Variants in UBFD1 observed in about 807,000 individuals in gnomAD.
The protein encoded by UBFD1 is ubiquitin family domain containing 1, also known as ubiquitin domain-containing protein UBFD1.
A neutral mutation model predicts 35.1 loss-of-function variants in UBFD1; 12 were observed. That is an observed-to-expected ratio of 0.34 (90% CI 0.22 to 0.55). UBFD1 has a LOEUF of 0.55. Ranked by LOEUF, UBFD1 falls within the 20% of genes least tolerant of loss-of-function variation. The pLI, the probability that UBFD1 is intolerant of heterozygous loss-of-function variation, is 0.89. For synonymous variants in UBFD1, 178 were observed against 167.6 expected (o/e 1.06, Z -0.48); for missense variants, 337 against 410.8 (o/e 0.82, Z 1.55).
intron 2 of UBFD1, chr16:23,559,107 G>A (rs1597036280): frequency 5.5e-6 from 1 of 181,894 alleles, no homozygotes; most frequent in Non-Finnish European, 1.1e-5. Context: ...ATTGGCTTCT[G>A]TAGCTCTGAT....
rs760303652 is a variant in UBFD1 at position 23,557,994 on chromosome 16, A to G, written c.70A>G (p.Thr24Ala). 2.2e-6 allele frequency: 3 copies of G among 1,370,320 alleles called. No homozygotes were observed. The highest frequency in any genetic ancestry group is 2.3e-5 in the South Asian group (1 of 43,840). 84.9% of individuals were successfully genotyped at this position (1,370,320 alleles called of 1,614,324 possible). The change falls in exon 2 of 7, where the codon ACT (threonine) becomes GCT (alanine). Residue 24 changes from threonine to alanine, a missense_variant. By Grantham distance (58) the Thr-to-Ala change is moderately conservative. Around this residue, in one of 4 missense-constraint regions of UBFD1, gnomAD observed 198 missense variants for 168.4 expected, o/e 1.18. Transcript: ENST00000395878. ...GGACACGGAGGCCGAGACTGTGGCT[A>G]CTGAGGCTCCCGCGCGGCCCGTCAA... ...GMDTEAETVA[T>A]EAPARPVNCL...
chr16:23,562,078 A>T, intron 3 of UBFD1, 128 bp from the exon 4 acceptor site: 1 of 787,080 alleles, frequency 1.3e-6, no homozygotes, highest in Non-Finnish European at 2.1e-6. Context: ...CAAAGGATCC[A>T]TAGTCTGTCG....
chr16:23,557,860 G>A (rs1183118410), intron 1 of UBFD1, 90 bp from the exon 2 acceptor site: 9 of 1,270,192 alleles, frequency 7.1e-6, no homozygotes, highest in Non-Finnish European at 8.9e-6. Flanking sequence ...GGAGAACCGC[G>A]GCTCGGGAAC....
rs757316467 is a variant in UBFD1, at chr16:23,557,947, C to T, written c.26-3C>T. 5 of 1,345,500 alleles carry T rather than the reference C, an allele frequency of 3.7e-6. No homozygotes were observed. The highest frequency in any genetic ancestry group is 3.8e-6 in the Non-Finnish European group (4 of 1,049,362). The allele number at this position is 1,345,500 out of a possible 1,614,324, so 83.3% of individuals were successfully genotyped here. Reference sequence around the variant, plus strand: ...GAGCGCCCACCCCCTAACCCCCTTGCAGGCATGGAGGAACCTGGCATGGAC... The same window carrying T: ...GAGCGCCCACCCCCTAACCCCCTTGTAGGCATGGAGGAACCTGGCATGGAC... On this transcript the variant is annotated splice_region_variant and splice_polypyrimidine_tract_variant and intron_variant, in intron 1 of 6. Transcript: ENST00000395878.
rs1274327342 is a variant in UBFD1, at chr16:23,571,359, T to C, written c.*769T>C. ...CAGCAGAGTATCTCCCAGTGACTCC[T>C]GTTTAAATGTCTTGCCCTTTGGGCC... On this transcript the variant is annotated 3_prime_UTR_variant, in exon 7 of 7. Coordinates refer to ENST00000395878, the MANE Select transcript of UBFD1 (RefSeq NM_019116.3). The C allele has an allele frequency of 1.3e-5, 2 of 152,676 alleles. No individual in the cohort carries two copies. The highest frequency in any genetic ancestry group is 4.8e-5 in the African/African-American group (2 of 41,476). The allele number at this position is 152,676 out of a possible 1,614,324, so 9.5% of individuals were successfully genotyped here. A position where few individuals can be genotyped will look rare whatever the true frequency, so the allele number is the denominator to read the frequency against.
Position 23,571,029 on chromosome 16 carries a change from G to A in UBFD1, c.*439G>A, listed in dbSNP as rs184559537. ...CATTTGGACTGCATTGCAATGAGTT[G>A]GGGTGTTTTTTTTTTCCTTTTTTGT... On this transcript the variant is annotated 3_prime_UTR_variant, in exon 7 of 7. Coordinates refer to ENST00000395878, the MANE Select transcript of UBFD1 (RefSeq NM_019116.3). 4.1e-3 allele frequency: 621 copies of A among 152,110 alleles called. 4 individuals are homozygous for A. Among genetic ancestry groups the A allele is most frequent in the South Asian group, 1.0e-2 (48 of 4,808 alleles). 9.4% of individuals were successfully genotyped at this position (152,110 alleles called of 1,614,324 possible).
chr16:23,557,885 GC>G, intron 1 of UBFD1, 64 bp from the exon 2 acceptor site: 4 of 1,269,010 alleles, frequency 3.2e-6, no homozygotes, highest in Non-Finnish European at 4.0e-6. Context: ...GTCCGGCGGC[GC>G]CCGGACAGCG....
rs765945891 is a variant in UBFD1, at chr16:23,557,755, G to T, written c.13G>T (p.Gly5Trp). 7.7e-7 allele frequency: 1 copy of T among 1,302,900 alleles called. No homozygotes were observed. Among genetic ancestry groups the T allele is most frequent in the African/African-American group, 1.5e-5 (1 of 65,226 alleles). The allele number at this position is 1,302,900 out of a possible 1,614,324, so 80.7% of individuals were successfully genotyped here. Residue 5 changes from glycine to tryptophan, a missense_variant, in exon 1 of 7, where the codon GGG becomes TGG. This residue lies in a region of UBFD1 where 198 missense variants were observed against 168.4 expected (regional missense o/e 1.18). Transcript: ENST00000395878. The part of the protein sequence containing the change: MAAA[G>W]APDGMEEPGM... ...GTACACAATCATCATGGCGGCGGCC[G>T]GGGCCCCGGATGGTGAGTGCGGCGG...
chr16:23,562,883 T>A (rs1037600996), intron 5 of UBFD1, among the ~76,000 whole-genome samples, 153 bp downstream of exon 5: 1 of 152,182 alleles, frequency 6.6e-6, no homozygotes, highest in African/African-American at 2.4e-5. Context: ...TTTTAGATGC[T>A]CGCCTTTTGT....
In UBFD1 at chr16:23,560,514, T is replaced by C. The variant is rs535615345; in HGVS notation, c.564+838T>C. Among the ~76,000 whole-genome samples the C allele has an allele frequency of 2.6e-5, 4 of 152,292 alleles. No homozygotes were observed. In the South Asian group the frequency reaches 8.3e-4, roughly 32 times the overall value. ...TTTAGTGACCATAGACACTAAGATA[T>C]ATGACCAACAGTAAGAAAAGGACAC... On this transcript the variant is annotated intron_variant, in intron 3 of 6. Coordinates refer to ENST00000395878, the MANE Select transcript of UBFD1 (RefSeq NM_019116.3).
intron 6 of UBFD1, chr16:23,569,765 A>G (rs1357577265): frequency 1.3e-5 from 2 of 152,020 alleles, no homozygotes; most frequent in Non-Finnish European, 2.9e-5. Context: ...CTTCCCATCT[A>G]TCCATTCTTT....
intron 6 of UBFD1, among the ~76,000 whole-genome samples, 177 bp downstream of exon 6, chr16:23,567,246 A>G (rs549317542): frequency 6.6e-4 from 101 of 152,128 alleles, no homozygotes; most frequent in African/African-American, 2.4e-3. Context: ...CTCTATTCCT[A>G]GTTCTGTTTA....
Position 23,571,280 on chromosome 16 carries a change from G to A in UBFD1, c.*690G>A, listed in dbSNP as rs1211356601. The A allele has an allele frequency of 6.5e-6, 1 of 152,736 alleles. No homozygotes were observed. The highest frequency in any genetic ancestry group is 2.1e-4 in the South Asian group (1 of 4,838). 9.5% of individuals were successfully genotyped at this position (152,736 alleles called of 1,614,324 possible). The stretch of plus-strand genomic sequence containing the variant: ...CTGTGAACGCACGGTGGGAGAGGAA[G>A]AGCTGCTCAGTCTTGGGCAAGGAGC... On this transcript the variant is annotated 3_prime_UTR_variant, in exon 7 of 7. Coordinates refer to ENST00000395878, the MANE Select transcript of UBFD1 (RefSeq NM_019116.3).
intron 4 of UBFD1, 44 bp from the exon 5 acceptor site, chr16:23,562,581 T>C (rs1965952763): frequency 6.3e-7 from 1 of 1,590,042 alleles, no homozygotes; most frequent in Non-Finnish European, 8.6e-7. Context: ...TTCTCTTTTT[T>C]TCTGACTGTC....
chr16:23,564,473 A>G (rs137992552), intron 5 of UBFD1: 27 of 152,334 alleles, frequency 1.8e-4, no homozygotes, highest in African/African-American at 6.3e-4. Flanking sequence ...ACCCTCTGCT[A>G]GATCATTCTC....
Position 23,562,482 on chromosome 16 carries a change from A to G in UBFD1, c.631-143A>G, listed in dbSNP as rs1965950826. On this transcript the variant is annotated intron_variant, in intron 4 of 6. Transcript: ENST00000395878. ...GGGGTTTTACCATGTTGCCCAGGCT[A>G]GTCTCCAACTCCTGACCTCAGGTGA... is the stretch of plus-strand genomic sequence containing the variant. The G allele has an allele frequency of 6.1e-6, 5 of 813,408 alleles. No homozygotes were observed. The South Asian group carries it at 9.0e-5, about 15-fold the overall frequency. 50.4% of individuals were successfully genotyped at this position (813,408 alleles called of 1,614,324 possible). A position where few individuals can be genotyped will look rare whatever the true frequency, so the allele number is the denominator to read the frequency against.
chr16:23,559,236 C>T (rs1965890526), intron 2 of UBFD1: 6 of 424,008 alleles, frequency 1.4e-5, no homozygotes, highest in Non-Finnish European at 2.6e-5. Context: ...CTAAATGCCC[C>T]GCATTGGTCT....
In UBFD1 at chr16:23,571,574, T is replaced by C. The variant is rs886997425; in HGVS notation, c.*984T>C. The C allele has an allele frequency of 1.3e-5, 2 of 152,582 alleles. No homozygotes were observed. Among genetic ancestry groups the C allele is most frequent in the African/African-American group, 4.8e-5 (2 of 41,472 alleles). 9.5% of individuals were successfully genotyped at this position (152,582 alleles called of 1,614,324 possible). Reference sequence around the variant, plus strand: ...AGTTATACAGCCATATAGCTGCAGATCCAGATAACCTTCTTTCTTTGGAAG... The same window carrying C: ...AGTTATACAGCCATATAGCTGCAGACCCAGATAACCTTCTTTCTTTGGAAG... On this transcript the variant is annotated 3_prime_UTR_variant, in exon 7 of 7. Transcript: ENST00000395878.
Position 23,570,892 on chromosome 16 carries a change from G to A in UBFD1, c.*302G>A, listed in dbSNP as rs1356137596. ...GTGTGGAATACTCTTAAGTGTGTTT[G>A]AGAGTAGATCTGCCAATTATGTTGA... On this transcript the variant is annotated 3_prime_UTR_variant, in exon 7 of 7. Coordinates refer to ENST00000395878, the MANE Select transcript of UBFD1 (RefSeq NM_019116.3). 5.3e-6 allele frequency: 1 copy of A among 188,024 alleles called. No homozygotes were observed. 11.6% of individuals were successfully genotyped at this position (188,024 alleles called of 1,614,324 possible). A position where few individuals can be genotyped will look rare whatever the true frequency, so the allele number is the denominator to read the frequency against.
Sources: gnomAD v4.1 joint callset for allele counts (sites outside exome capture counted in the v4.1 genomes callset) on GRCh38, gnomAD v4.1.1 for gene constraint, gnomAD v4.1.1 regional missense constraint, MANE v1.5 for transcripts, NCBI Gene and HGNC (gene_info 2026-07-23, HGNC 2026-07-21) for gene names.